Variants in SGK1 observed in about 807,000 individuals in gnomAD.
SGK1 encodes the protein serum/glucocorticoid regulated kinase 1, also known as serine/threonine-protein kinase Sgk1.
A neutral mutation model predicts 64.2 loss-of-function variants in SGK1; 26 were observed. The ratio of observed to expected loss-of-function variants is 0.40; its 90% CI spans 0.30 to 0.56. The LOEUF is 0.56. SGK1 is among the 20% of genes least tolerant of loss of function. SGK1 has a pLI of 0.38. For missense variants in SGK1, 519 were observed against 645.6 expected (o/e 0.80, Z 2.12); for synonymous variants, 265 against 239.7 (o/e 1.11, Z -0.98).
chr6:134,241,503 A>G (rs1027418860), intron 2 of SGK1, among the ~76,000 whole-genome samples: 2 of 151,384 alleles, frequency 1.3e-5, no homozygotes, highest in South Asian at 2.1e-4. Context: ...GGTCTGATCT[A>G]TCTGGGGAAT....
intron 3 of SGK1, among the ~76,000 whole-genome samples, chr6:134,176,280 G>T (rs1223579390): frequency 6.6e-6 from 1 of 152,178 alleles, no homozygotes; most frequent in Non-Finnish European, 1.5e-5. Flanking sequence ...GGCTGCCCCA[G>T]GGCTTCTTAG....
At chr6:134,219,509 C>G (rs1036747810) in intron 2 of SGK1, among the ~76,000 whole-genome samples, 2 of 152,010 alleles carry the variant, frequency 1.3e-5, no homozygotes, top group African/African-American at 4.8e-5. Context: ...GCCTGTAATC[C>G]CAGAACTTTG....
chr6:134,174,473 A>G, intron 4 of SGK1, 38 bp downstream of exon 4: 3 of 1,496,704 alleles, frequency 2.0e-6, no homozygotes, highest in Non-Finnish European at 2.8e-6. Flanking sequence ...GCAAATTCAA[A>G]CTATACTAGT....
At chr6:134,174,954 TCGCCCCTCGCCC>T (rs1775175589) in intron 3 of SGK1, 2 of 1,395,588 alleles carry the variant, frequency 1.4e-6, no homozygotes, top group Non-Finnish European at 9.4e-7. Flanking sequence ...GCCCTTCGCC[TCGCCCCTCGCCC>T]CGCCCCGGCC....
intron 1 of SGK1, among the ~76,000 whole-genome samples, chr6:134,293,005 A>T (rs1777289889): frequency 6.6e-6 from 1 of 152,006 alleles, no homozygotes; most frequent in Non-Finnish European, 1.5e-5. Flanking sequence ...TAATTGGATA[A>T]CTCTCTTGTT....
intron 3 of SGK1, among the ~76,000 whole-genome samples, chr6:134,202,590 G>A (rs868014581): frequency 2.6e-5 from 4 of 152,248 alleles, no homozygotes; most frequent in Admixed American, 6.5e-5. Context: ...GGAAGTTGCA[G>A]TGAGCTGAGG....
chr6:134,215,169 C>G, intron 2 of SGK1: 1 of 421,740 alleles, frequency 2.4e-6, no homozygotes, highest in Non-Finnish European at 4.6e-6. Context: ...GTTGCCCAGG[C>G]TGGAGTACAG....
intron 3 of SGK1, among the ~76,000 whole-genome samples, chr6:134,196,038 T>C (rs528398474): frequency 1.3e-5 from 2 of 152,324 alleles, no homozygotes; most frequent in African/African-American, 4.8e-5. Context: ...GACCACTAAT[T>C]ATATGTTAAC....
chr6:134,268,647 C>T lies in SGK1; in HGVS notation c.70-6499G>A, dbSNP rs558059192. Reference sequence around the variant, plus strand: ...CTGAGGCAGGAGAATGGCGTGAACCCGGGAGGCGGAGCTTGCAGTGAGCTG... The same window carrying T: ...CTGAGGCAGGAGAATGGCGTGAACCTGGGAGGCGGAGCTTGCAGTGAGCTG... On this transcript the variant is annotated intron_variant, in intron 1 of 13. Coordinates refer to ENST00000367858, the MANE Select transcript of SGK1 (RefSeq NM_001143676.3). Among the ~76,000 whole-genome samples the T allele has an allele frequency of 4.3e-5, 6 of 139,898 alleles. 1 individual carries two copies. The highest frequency in any genetic ancestry group is 7.9e-5 in the Admixed American group (1 of 12,728). 91.8% of individuals were successfully genotyped at this position (139,898 alleles called of 152,430 possible). A position where few individuals can be genotyped will look rare whatever the true frequency, so the allele number is the denominator to read the frequency against.
intron 3 of SGK1, among the ~76,000 whole-genome samples, chr6:134,178,900 G>A (rs888775538): frequency 2.6e-5 from 4 of 152,126 alleles, no homozygotes; most frequent in Admixed American, 6.5e-5. Context: ...TGACTGACCA[G>A]GATGAAAAGT....
Position 134,173,849 on chromosome 6 carries a change from T to A in SGK1, c.513+156A>T. 3 of 638,666 alleles carry A rather than the reference T, an allele frequency of 4.7e-6. No individual in the cohort carries two copies. In the South Asian group the frequency reaches 6.2e-5, roughly 13 times the overall value. The allele number at this position is 638,666 out of a possible 1,614,324, so 39.6% of individuals were successfully genotyped here. On this transcript the variant is annotated intron_variant, in intron 5 of 13. Transcript: ENST00000367858. Reference sequence around the variant, plus strand: ...GAAAAAAATAAAATAATACTCTGACTCAATACTTAAATATTTATATCACTT... The same window carrying A: ...GAAAAAAATAAAATAATACTCTGACACAATACTTAAATATTTATATCACTT...
At chr6:134,237,973 T>C (rs1776389473) in intron 2 of SGK1, among the ~76,000 whole-genome samples, 1 of 152,190 alleles carries the variant, frequency 6.6e-6, no homozygotes, top group Admixed American at 6.6e-5. Context: ...CCAGAAAAAG[T>C]GTGTAAAAAA....
intron 3 of SGK1, among the ~76,000 whole-genome samples, chr6:134,201,081 G>A (rs1317602365): frequency 7.8e-6 from 1 of 127,552 alleles, no homozygotes; most frequent in Non-Finnish European, 1.7e-5. Context: ...TTTTTTTTGA[G>A]ATGGAGTCTC....
intron 2 of SGK1, among the ~76,000 whole-genome samples, chr6:134,226,422 G>A (rs572337860): frequency 2.0e-5 from 3 of 151,770 alleles, no homozygotes; most frequent in African/African-American, 4.8e-5. Flanking sequence ...AGACGGGGCC[G>A]AGTGCAGTGG....
rs1194850366 is a variant in SGK1 at position 134,178,027 on chromosome 6, A to G, written c.362-3441T>C. 5 of 565,986 alleles carry G rather than the reference A, an allele frequency of 8.8e-6. No homozygotes were observed. In the Admixed American group the frequency reaches 1.6e-4, roughly 18 times the overall value. 35.1% of individuals were successfully genotyped at this position (565,986 alleles called of 1,614,324 possible). ...GCACGCACACAAGAAATGTAACTTAACTGATTATCCTCACAAATCAGTCCG... is the reference window on the plus strand; with the variant it reads ...GCACGCACACAAGAAATGTAACTTAGCTGATTATCCTCACAAATCAGTCCG... On this transcript the variant is annotated intron_variant, in intron 3 of 13. Transcript: ENST00000367858.
At chr6:134,189,833 C>T (rs866310899) in intron 3 of SGK1, among the ~76,000 whole-genome samples, 1 of 125,156 alleles carries the variant, frequency 8.0e-6, no homozygotes. Context: ...ATTGTAAGTA[C>T]TGTTTTTTTT....
chr6:134,207,017 A>G (rs1477040975), intron 3 of SGK1, among the ~76,000 whole-genome samples: 1 of 152,126 alleles, frequency 6.6e-6, no homozygotes, highest in Non-Finnish European at 1.5e-5. Context: ...CAAGGTCAGG[A>G]GATCGAGACC....
intron 1 of SGK1, among the ~76,000 whole-genome samples, chr6:134,316,334 A>G (rs1185405506): frequency 6.6e-6 from 1 of 152,180 alleles, no homozygotes; most frequent in African/African-American, 2.4e-5. Flanking sequence ...TGGCACAGAA[A>G]GGACCTGAAT....
Position 134,173,303 on chromosome 6 carries a change from G to C in SGK1, c.673C>G (p.Gln225Glu). ...EEVFYAVKVLQKKAILKKKEE... is the reference protein window; with the variant it reads ...EEVFYAVKVLEKKAILKKKEE... The stretch of plus-strand genomic sequence containing the variant: ...TTCTTTTTCAGGATTGCTTTCTTCT[G>C]TAAAACTTTGACTGCATAGAACACT... Residue 225 changes from glutamine (Q) to glutamate (E), a missense_variant, in exon 7 of 14, where the codon CAG becomes GAG. Around this residue, in one of 2 missense-constraint regions of SGK1, gnomAD observed 278 missense variants for 408.7 expected, o/e 0.68. Transcript: ENST00000367858. 6.2e-7 allele frequency: 1 copy of C among 1,613,766 alleles called. No homozygotes were observed. Among genetic ancestry groups the C allele is most frequent in the Non-Finnish European group, 8.5e-7 (1 of 1,179,672 alleles).
Sources: gnomAD v4.1 joint callset for allele counts (sites outside exome capture counted in the v4.1 genomes callset) on GRCh38, gnomAD v4.1.1 for gene constraint, gnomAD v4.1.1 regional missense constraint, MANE v1.5 for transcripts, NCBI Gene and HGNC (gene_info 2026-07-23, HGNC 2026-07-21) for gene names.